Variants in BAALC observed in about 807,000 individuals in gnomAD.
The protein encoded by BAALC is BAALC binder of MAP3K1 and KLF4.
BAALC carries 9 observed loss-of-function variants against 15.5 expected under a neutral mutation model. That is an observed-to-expected ratio of 0.58 (90% CI 0.35 to 1.02). BAALC has a LOEUF of 1.02. Among genes scored for constraint, BAALC ranks in the 50% least tolerant of loss-of-function variants. The probability of loss-of-function intolerance (pLI) is 0.02; values close to 1 mark genes in which losing one functional copy is unlikely to be tolerated. For synonymous variants in BAALC, 80 were observed against 74.6 expected, an observed-to-expected ratio of 1.07 and a Z score of -0.37; for missense variants, 201 against 192.4, an observed-to-expected ratio of 1.04 and a Z score of -0.27.
chr8:103,184,841 G>A (rs1382325355), intron 1 of BAALC, among the ~76,000 whole-genome samples: 2 of 152,224 alleles, frequency 1.3e-5, no homozygotes, highest in Non-Finnish European at 2.9e-5. Flanking sequence ...GCAGGCTCAA[G>A]AGAACCATGT....
intron 1 of BAALC, among the ~76,000 whole-genome samples, chr8:103,173,053 C>A (rs1035338816): frequency 1.3e-5 from 2 of 152,186 alleles, no homozygotes; most frequent in African/African-American, 2.4e-5. Flanking sequence ...GATACATTTG[C>A]TTATTTTCCA....
At chr8:103,212,581 T>C (rs1447779929) in intron 1 of BAALC, among the ~76,000 whole-genome samples, 1 of 152,228 alleles carries the variant, frequency 6.6e-6, no homozygotes, top group Non-Finnish European at 1.5e-5. Flanking sequence ...CAGTAGGATT[T>C]ATTATGAAAA....
intron 1 of BAALC, among the ~76,000 whole-genome samples, chr8:103,150,252 G>A (rs12545903): frequency 0.11 from 16,054 of 152,128 alleles, 1,317 homozygotes; most frequent in East Asian, 0.42. Flanking sequence ...CCCACAACAC[G>A]TGGGAATTGT....
At chr8:103,141,158 C>A in intron 1 of BAALC, 101 bp downstream of exon 1, 2 of 1,294,458 alleles carry the variant, frequency 1.5e-6, no homozygotes, top group Non-Finnish European at 2.0e-6. Flanking sequence ...ATTGATGGCG[C>A]GGCGGGGGTG....
intron 1 of BAALC, among the ~76,000 whole-genome samples, chr8:103,197,222 C>T (rs945928160): frequency 6.6e-6 from 1 of 151,364 alleles, no homozygotes; most frequent in African/African-American, 2.4e-5. Context: ...AACACAAATG[C>T]ACGTGAAAGG....
intron 1 of BAALC, among the ~76,000 whole-genome samples, chr8:103,148,418 T>C (rs543161093): frequency 2.5e-4 from 38 of 152,280 alleles, no homozygotes; most frequent in African/African-American, 7.9e-4. Context: ...AGTAGGTGTA[T>C]GTATGCATGG....
rs528405434 is a variant in BAALC, at chr8:103,219,738, C to T, written c.327+6653C>T. Among the ~76,000 whole-genome samples, 21 of 152,216 alleles carry T rather than the reference C, an allele frequency of 1.4e-4. No individual in the cohort carries two copies. In the South Asian group the frequency reaches 2.1e-3, roughly 15 times the overall value. ...CCCCTGACTGACCTTGCATTAATGC[C>T]GTACAAATTCACAAAGCAGCAGCAA... is the stretch of plus-strand genomic sequence containing the variant. On this transcript the variant is annotated intron_variant, in intron 2 of 2. Transcript: ENST00000309982.
At chr8:103,215,822 G>A (rs763726128) in intron 2 of BAALC, among the ~76,000 whole-genome samples, 1 of 152,150 alleles carries the variant, frequency 6.6e-6, no homozygotes, top group Non-Finnish European at 1.5e-5. Context: ...AATAATGCAG[G>A]CTACCACATA....
chr8:103,202,013 A>G (rs918762182), intron 1 of BAALC, among the ~76,000 whole-genome samples: 1 of 152,226 alleles, frequency 6.6e-6, no homozygotes. Context: ...TTTGGGACAC[A>G]GTAGGCAAAA....
intron 1 of BAALC, among the ~76,000 whole-genome samples, chr8:103,212,510 C>G (rs531625824): frequency 1.6e-4 from 25 of 152,146 alleles, no homozygotes; most frequent in Non-Finnish European, 3.2e-4. Context: ...AATCCCACTT[C>G]TAGGAATTTA....
Position 103,207,293 on chromosome 8 carries a change from A to G in BAALC, c.161-5626A>G, listed in dbSNP as rs1248706321. Reference sequence around the variant, plus strand: ...AGAAGCTCATTAACACGTATATTTTACATATACATGGGAGATATCTAGGCA... The same window carrying G: ...AGAAGCTCATTAACACGTATATTTTGCATATACATGGGAGATATCTAGGCA... On this transcript the variant is annotated intron_variant, in intron 1 of 2. Transcript: ENST00000309982. Among the ~76,000 whole-genome samples, 5 of 152,228 alleles carry G rather than the reference A, an allele frequency of 3.3e-5. No individual in the cohort carries two copies. In the East Asian group the frequency reaches 9.6e-4, roughly 29 times the overall value.
At chr8:103,185,643 A>G (rs1811818318) in intron 1 of BAALC, among the ~76,000 whole-genome samples, 1 of 152,240 alleles carries the variant, frequency 6.6e-6, no homozygotes, top group Non-Finnish European at 1.5e-5. Flanking sequence ...ACTGAGACCA[A>G]TGACACCTCA....
chr8:103,213,200 G>GAAAAAAAAAA, intron 2 of BAALC, 115 bp downstream of exon 2: 1 of 1,158,680 alleles, frequency 8.6e-7, no homozygotes, highest in Non-Finnish European at 1.2e-6. Context: ...GCTCATCTTG[G>GAAAAAAAAAA]AAAAAAAAAG....
At chr8:103,141,118 G>A (rs1432281973) in intron 1 of BAALC, 61 bp downstream of exon 1, 4 of 1,379,620 alleles carry the variant, frequency 2.9e-6, no homozygotes, top group East Asian at 3.1e-5. Context: ...CTTGGCCCGG[G>A]CACTGAGAGA....
In BAALC at chr8:103,230,238, A is replaced by C. The variant is rs1022192439; in HGVS notation, c.*2139A>C. 6.6e-6 allele frequency: 1 copy of C among 152,214 alleles called. No individual in the cohort carries two copies. Among genetic ancestry groups the C allele is most frequent in the African/African-American group, 2.4e-5 (1 of 41,444 alleles). 9.4% of individuals were successfully genotyped at this position (152,214 alleles called of 1,614,324 possible). A position where few individuals can be genotyped will look rare whatever the true frequency, so the allele number is the denominator to read the frequency against. On this transcript the variant is annotated 3_prime_UTR_variant, in exon 3 of 3. Transcript: ENST00000309982. ...ATGTATGAGACAGAAACTAATCCTT[A>C]CTATCCTATTAGGATACCACTTTTC...
intron 1 of BAALC, among the ~76,000 whole-genome samples, chr8:103,145,896 C>T (rs1263191982): frequency 1.3e-5 from 2 of 152,100 alleles, no homozygotes; most frequent in African/African-American, 4.8e-5. Flanking sequence ...TGTTAAATTT[C>T]ATCTTATTGG....
intron 1 of BAALC, among the ~76,000 whole-genome samples, chr8:103,185,466 T>G (rs75548816): frequency 0.032 from 4,915 of 152,340 alleles, 100 homozygotes; most frequent in African/African-American, 0.054. Context: ...TCTATTCTAA[T>G]GGTTATCCTA....
rs1812874658 is a variant in BAALC at position 103,229,433 on chromosome 8, T to C, written c.*1334T>C. On this transcript the variant is annotated 3_prime_UTR_variant, in exon 3 of 3. Transcript: ENST00000309982. ...TCAAAAGTCAGATACGCAACCTCCT[T>C]ATCTGCTAACTCTGTTATTCTTCAA... 6.6e-6 allele frequency: 1 copy of C among 152,246 alleles called. No individual in the cohort carries two copies. The highest frequency in any genetic ancestry group is 6.5e-5 in the Admixed American group (1 of 15,286). The allele number at this position is 152,246 out of a possible 1,614,324, so 9.4% of individuals were successfully genotyped here.
At chr8:103,178,175 C>T (rs1168160990) in intron 1 of BAALC, among the ~76,000 whole-genome samples, 1 of 152,092 alleles carries the variant, frequency 6.6e-6, no homozygotes, top group African/African-American at 2.4e-5. Context: ...AAATAGTGAG[C>T]AGGTATCACT....
Sources: allele counts gnomAD v4.1 joint callset (sites outside exome capture counted in the v4.1 genomes callset), GRCh38; gene constraint gnomAD v4.1.1; transcripts MANE v1.5; gene names NCBI Gene and HGNC (gene_info 2026-07-23, HGNC 2026-07-21).